The following ACAD10 variants were observed in gnomAD, a reference collection of about 807,000 sequenced individuals.
The protein encoded by ACAD10 is ACAD-10.
Under a neutral mutation model 116.8 loss-of-function variants are expected in ACAD10, and 112 were observed. The observed-to-expected ratio is 0.96, with a 90% confidence interval of 0.82 to 1.12. The LOEUF is 1.12. ACAD10 is among the 50% of genes most tolerant of loss of function. The pLI is 0.00. For missense variants in ACAD10, 1,259 were observed against 1,350.2 expected (o/e 0.93, Z 1.06); for synonymous variants, 486 against 510.6 (o/e 0.95, Z 0.65).
intron 11 of ACAD10, 83 bp downstream of exon 11, chr12:111,734,151 G>C (rs1243353385): frequency 1.9e-6 from 3 of 1,587,800 alleles, no homozygotes; most frequent in Non-Finnish European, 2.6e-6. Flanking sequence ...AGTAGTCCGT[G>C]ATTGGGCGGG....
chr12:111,750,697 C>G (rs1035100871), intron 18 of ACAD10, among the ~76,000 whole-genome samples: 1 of 152,174 alleles, frequency 6.6e-6, no homozygotes, highest in African/African-American at 2.4e-5. Flanking sequence ...CACAGCACAT[C>G]CAGAAAACTT....
chr12:111,753,429 C>A, intron 18 of ACAD10: 1 of 482,940 alleles, frequency 2.1e-6, no homozygotes, highest in Non-Finnish European at 4.0e-6. Flanking sequence ...AGCCTTGGGT[C>A]AGATGCTGGC....
Position 111,686,215 on chromosome 12 carries a change from G to T in ACAD10, c.-38G>T, listed in dbSNP as rs1370833984. 6.5e-6 allele frequency: 1 copy of T among 153,312 alleles called. No homozygotes were observed. Among genetic ancestry groups the T allele is most frequent in the Non-Finnish European group, 1.5e-5 (1 of 68,792 alleles). The allele number at this position is 153,312 out of a possible 1,614,324, so 9.5% of individuals were successfully genotyped here. On this transcript the variant is annotated 5_prime_UTR_variant, in exon 1 of 21. Transcript: ENST00000313698. ...CTCGTCCTAATCCACCTCGGCTGAC[G>T]GCGCGGGATCCCTGGCTCCGCGAGG...
At chr12:111,741,633 C>T (rs1221745164) in intron 12 of ACAD10, among the ~76,000 whole-genome samples, 3 of 152,122 alleles carry the variant, frequency 2.0e-5, no homozygotes, top group Non-Finnish European at 4.4e-5. Flanking sequence ...GGGAAGCCAG[C>T]CAGACACACT....
At position 111,729,962 on chromosome 12, in the gene ACAD10, TGTG is replaced by T; in HGVS notation, c.1394+11_1394+13del. On this transcript the variant is annotated splice_region_variant and intron_variant, in intron 10 of 20. Transcript: ENST00000313698. ...GTGGTGCACGGGGACTTCAGGTAGA[TGTG>T]GTGGCAGGGAGAGCTGAAAAATGAC... 1.9e-6 allele frequency: 3 copies of T among 1,612,836 alleles called. No individual in the cohort carries two copies. Among genetic ancestry groups the T allele is most frequent in the Non-Finnish European group, 1.7e-6 (2 of 1,179,260 alleles).
intron 8 of ACAD10, among the ~76,000 whole-genome samples, chr12:111,722,833 C>T (rs1889057401): frequency 6.6e-6 from 1 of 152,222 alleles, no homozygotes; most frequent in South Asian, 2.1e-4. Context: ...CTTTTCCCCA[C>T]CTTTCCTGCC....
At chr12:111,754,227 C>T (rs1352723040) in intron 19 of ACAD10, among the ~76,000 whole-genome samples, 1 of 152,242 alleles carries the variant, frequency 6.6e-6, no homozygotes, top group Non-Finnish European at 1.5e-5. Context: ...AAAAGGGACC[C>T]TCTGCTGGCC....
intron 2 of ACAD10, 195 bp downstream of exon 2, chr12:111,693,091 C>T (rs900320787): frequency 3.3e-6 from 2 of 605,602 alleles, no homozygotes; most frequent in African/African-American, 3.7e-5. Flanking sequence ...CCAAATCTTA[C>T]TTTCCTCATC....
At chr12:111,726,404 A>T (rs1190330661) in intron 8 of ACAD10, among the ~76,000 whole-genome samples, 1 of 152,180 alleles carries the variant, frequency 6.6e-6, no homozygotes, top group African/African-American at 2.4e-5. Flanking sequence ...TAACCTCAAT[A>T]ACAAGAAGGG....
intron 3 of ACAD10, among the ~76,000 whole-genome samples, chr12:111,703,766 G>A (rs847892): frequency 0.53 from 79,669 of 151,660 alleles, 25,945 homozygotes; most frequent in East Asian, 0.94. Context: ...TGAATCTGGG[G>A]GGCAGAGGTT....
At chr12:111,691,019 T>C (rs1160451137) in intron 1 of ACAD10, 1 of 152,146 alleles carries the variant, frequency 6.6e-6, no homozygotes, top group African/African-American at 2.4e-5. Context: ...AGAATTTGCC[T>C]TCATTATTTT....
At chr12:111,751,329 G>A (rs753665043) in intron 18 of ACAD10, among the ~76,000 whole-genome samples, 1 of 152,176 alleles carries the variant, frequency 6.6e-6, no homozygotes, top group African/African-American at 2.4e-5. Flanking sequence ...AAAAAAGACT[G>A]TGGCCAGGTG....
At chr12:111,739,493 A>G (rs1022867890) in intron 12 of ACAD10, among the ~76,000 whole-genome samples, 1 of 152,240 alleles carries the variant, frequency 6.6e-6, no homozygotes, top group African/African-American at 2.4e-5. Flanking sequence ...GTGGTGGCTC[A>G]CGCCTGTAAT....
In ACAD10 at chr12:111,709,550, A is replaced by C; in HGVS notation, c.556A>C (p.Ile186Leu). 1 of 1,607,552 alleles carries C rather than the reference A, an allele frequency of 6.2e-7. No homozygotes were observed. The highest frequency in any genetic ancestry group is 8.5e-7 in the Non-Finnish European group (1 of 1,177,950). The change falls in exon 5 of 21, where the codon ATC becomes CTC. Residue 186 changes from isoleucine to leucine, a missense_variant. Physicochemically the swap from Ile to Leu is conservative, Grantham distance 5. Transcript: ENST00000313698. ...DVIVESCMEG[I>L]CKPDPRIYKL... ...GATTGTGGAGTCCTGCATGGAAGGG[A>C]TCTGTAAGCCAGACCCTAGGATCTA...
intron 2 of ACAD10, among the ~76,000 whole-genome samples, chr12:111,696,157 G>A (rs768418740): frequency 6.6e-6 from 1 of 151,808 alleles, no homozygotes; most frequent in Non-Finnish European, 1.5e-5. Context: ...AAACTCCTGG[G>A]CTCAAGCAAT....
chr12:111,709,107 C>T (rs609230), intron 4 of ACAD10, among the ~76,000 whole-genome samples: 27,171 of 151,558 alleles, frequency 0.18, 2,519 homozygotes, highest in East Asian at 0.28. Context: ...TTTTCTTCTG[C>T]TCTGTTTAGC....
intron 9 of ACAD10, 139 bp from the exon 10 acceptor site, chr12:111,729,667 C>T: frequency 9.9e-7 from 1 of 1,008,718 alleles, no homozygotes; most frequent in Admixed American, 2.7e-5. Context: ...GGAAATTCTC[C>T]AGTCATAGGA....
In ACAD10 at chr12:111,749,215, A is replaced by G. The variant is rs1890002128; in HGVS notation, c.2687A>G (p.Lys896Arg). ...EVRFEHVRVPKENMVLGPGRG... is the reference protein window; with the variant it reads ...EVRFEHVRVPRENMVLGPGRG... The stretch of plus-strand genomic sequence containing the variant: ...CGATTTGAGCACGTGCGTGTGCCCA[A>G]AGAGAACATGGTCCTGGGCCCTGGC... Residue 896 changes from lysine (K) to arginine (R), a missense_variant, in exon 18 of 21, where the codon AAA becomes AGA. Lys to Arg is a conservative substitution (Grantham distance 26). Coordinates refer to ENST00000313698, the MANE Select transcript of ACAD10 (RefSeq NM_025247.6). 6.2e-7 allele frequency: 1 copy of G among 1,613,948 alleles called. No individual in the cohort carries two copies. Among genetic ancestry groups the G allele is most frequent in the African/African-American group, 1.3e-5 (1 of 75,038 alleles).
intron 17 of ACAD10, 31 bp downstream of exon 17, chr12:111,748,506 G>T (rs1427074003): frequency 9.9e-6 from 16 of 1,610,496 alleles, no homozygotes; most frequent in Middle Eastern, 2.2e-4. Flanking sequence ...TCACCCCTGG[G>T]TGTGGGTCTG....
Sources: allele counts gnomAD v4.1 joint callset (sites outside exome capture counted in the v4.1 genomes callset), GRCh38; gene constraint gnomAD v4.1.1; transcripts MANE v1.5; gene names NCBI Gene and HGNC (gene_info 2026-07-23, HGNC 2026-07-21).